The following DCDC2B variants were observed in gnomAD, a reference collection of about 807,000 sequenced individuals.
The protein encoded by DCDC2B is doublecortin domain containing 2B, also known as doublecortin domain-containing protein 2B.
In DCDC2B, 41 loss-of-function variants were observed where a neutral mutation model predicts 38.9. That is an observed-to-expected ratio of 1.05 (90% CI 0.82 to 1.37). The LOEUF is 1.37. DCDC2B is among the 40% of genes most tolerant of loss of function. DCDC2B has a pLI of 0.00. For synonymous variants in DCDC2B, 181 were observed against 171.9 expected, an observed-to-expected ratio of 1.05 and a Z score of -0.41; for missense variants, 453 against 427.2, an observed-to-expected ratio of 1.06 and a Z score of -0.53.
intron 7 of DCDC2B, 171 bp downstream of exon 7, chr1:32,215,103 C>G (rs2124214816): frequency 1.1e-6 from 1 of 937,130 alleles, no homozygotes; most frequent in South Asian, 2.0e-5. Flanking sequence ...GCTCAGGAGA[C>G]TGCCCGTAAA....
chr1:32,209,359 A>G lies in DCDC2B; in HGVS notation c.266A>G (p.His89Arg). 3 of 1,613,700 alleles carry G rather than the reference A, an allele frequency of 1.9e-6. No individual in the cohort carries two copies. The highest frequency in any genetic ancestry group is 2.5e-6 in the Non-Finnish European group (3 of 1,179,698). ...GGATTTGAACGATTCCACAAGCTCC[A>G]GTGAGTGGGCTGGGGCTGGTCAAAC... ...AAGFERFHKLHYLPHRGKDPG... is the reference protein window; with the variant it reads ...AAGFERFHKLRYLPHRGKDPG... Residue 89 changes from histidine to arginine, a missense_variant and splice_region_variant, in exon 1 of 9, where the codon CAC (histidine) becomes CGC (arginine). His to Arg is a conservative substitution (Grantham distance 29, BLOSUM62 0). Coordinates refer to ENST00000409358, the MANE Select transcript of DCDC2B (RefSeq NM_001099434.2).
At chr1:32,209,401 TA>T in intron 1 of DCDC2B, 42 bp downstream of exon 1, 1 of 1,605,144 alleles carries the variant, frequency 6.2e-7, no homozygotes, top group Non-Finnish European at 8.5e-7. Flanking sequence ...GCAAGGGAGG[TA>T]ACGGCAAGAG....
intron 3 of DCDC2B, 75 bp from the exon 4 acceptor site, chr1:32,211,995 T>G: frequency 1.3e-6 from 2 of 1,568,196 alleles, no homozygotes; most frequent in Non-Finnish European, 1.7e-6. Flanking sequence ...TGGTTATTGC[T>G]GGCCCTGTGC....
chr1:32,213,712 G>A (rs564836947), intron 6 of DCDC2B, among the ~76,000 whole-genome samples: 15 of 150,676 alleles, frequency 1.0e-4, no homozygotes, highest in Admixed American at 8.6e-4. Context: ...GGGTTTCACC[G>A]TGTTAGCCAG....
chr1:32,215,397 C>T, intron 7 of DCDC2B, 43 bp from the exon 8 acceptor site: 1 of 1,526,756 alleles, frequency 6.5e-7, no homozygotes, highest in Non-Finnish European at 9.0e-7. Context: ...ATGCTGAGGG[C>T]TCTTCAGCCT....
At chr1:32,214,337 A>G (rs940547548) in intron 6 of DCDC2B, 2 of 150,728 alleles carry the variant, frequency 1.3e-5, no homozygotes, top group East Asian at 2.0e-4. Flanking sequence ...AAAAAAAAAA[A>G]GTGAAGTGAT....
At chr1:32,212,399 C>T (rs1003294999) in intron 4 of DCDC2B, 91 bp from the exon 5 acceptor site, 3 of 1,566,286 alleles carry the variant, frequency 1.9e-6, no homozygotes, top group Non-Finnish European at 2.6e-6. Flanking sequence ...CAGAGGGCAC[C>T]TTGGAATAGC....
intron 3 of DCDC2B, 67 bp downstream of exon 3, chr1:32,211,904 G>T: frequency 6.4e-7 from 1 of 1,557,632 alleles, no homozygotes; most frequent in Non-Finnish European, 8.7e-7. Flanking sequence ...AAATGGTGTT[G>T]GGTTTGTTCT....
At chr1:32,211,574 G>A (rs902647349) in intron 2 of DCDC2B, among the ~76,000 whole-genome samples, 187 bp from the exon 3 acceptor site, 11 of 152,182 alleles carry the variant, frequency 7.2e-5, no homozygotes, top group Non-Finnish European at 8.8e-5. Context: ...TTGGGGGAGG[G>A]GGTGGTTAGA....
chr1:32,211,616 G>T, intron 2 of DCDC2B, 145 bp from the exon 3 acceptor site: 1 of 771,046 alleles, frequency 1.3e-6, no homozygotes, highest in Non-Finnish European at 2.1e-6. Flanking sequence ...AGCACCGTTT[G>T]GTGAAAGGTG....
chr1:32,212,502 A>C lies in DCDC2B; in HGVS notation c.540A>C (p.Leu180=), dbSNP rs986213300. The change falls in exon 5 of 9, where the codon CTA becomes CTC. Residue 180 remains leucine, a synonymous_variant. Transcript: ENST00000409358. Reference sequence around the variant, plus strand: ...CTCTCTCTCCCAGACTCTGCACCCTAGAGGGGCTCCCACTGTCAGCAGGGA... The same window carrying C: ...CTCTCTCTCCCAGACTCTGCACCCTCGAGGGGCTCCCACTGTCAGCAGGGA... ...QSGAVCKLCT[L]EGLPLSAGKE... 9.9e-6 allele frequency: 16 copies of C among 1,613,796 alleles called. No homozygotes were observed. Among genetic ancestry groups the C allele is most frequent in the Non-Finnish European group, 1.4e-5 (16 of 1,179,844 alleles).
At chr1:32,209,967 T>G (rs1259678760) in intron 1 of DCDC2B, among the ~76,000 whole-genome samples, 1 of 151,696 alleles carries the variant, frequency 6.6e-6, no homozygotes, top group East Asian at 1.9e-4. Context: ...CCAAGGCGGG[T>G]GGATCACCTG....
rs767654309 is a variant in DCDC2B at position 32,214,843 on chromosome 1, C to G, written c.761C>G (p.Pro254Arg). Residue 254 changes from proline (P) to arginine (R), a missense_variant, in exon 7 of 9, where the codon CCA (proline) becomes CGA (arginine). Physicochemically the swap from Pro to Arg is moderately radical, Grantham distance 103. Coordinates refer to ENST00000409358, the MANE Select transcript of DCDC2B (RefSeq NM_001099434.2). ...AQVTQPSPKE[P>R]DRIKPSAFYA... Reference sequence around the variant, plus strand: ...GTAACCCAGCCCTCTCCAAAGGAACCAGACCGAATTAAGCCATCTGCTTTC... The same window carrying G: ...GTAACCCAGCCCTCTCCAAAGGAACGAGACCGAATTAAGCCATCTGCTTTC... 6.2e-7 allele frequency: 1 copy of G among 1,613,944 alleles called. No individual in the cohort carries two copies. The highest frequency in any genetic ancestry group is 8.5e-7 in the Non-Finnish European group (1 of 1,179,892).
rs759995890 is a variant in DCDC2B at position 32,215,838 on chromosome 1, G to A, written c.991G>A (p.Glu331Lys). The A allele has an allele frequency of 3.3e-5, 51 of 1,553,024 alleles. No homozygotes were observed. Among genetic ancestry groups the A allele is most frequent in the Non-Finnish European group, 4.4e-5 (51 of 1,147,870 alleles). Residue 331 changes from glutamate (E) to lysine (K), a missense_variant, in exon 9 of 9, where the codon GAA (glutamate) becomes AAA (lysine). Glu to Lys is a moderately conservative substitution (Grantham distance 56, BLOSUM62 1). Coordinates refer to ENST00000409358, the MANE Select transcript of DCDC2B (RefSeq NM_001099434.2). ...GATAGTGGAAGAGGCCTTGTCCCTG[G>A]AAAACCAGCCTGGGGCTGGGGCTGC... ...AQIVEEALSL[E>K]NQPGAGAAIS...
intron 4 of DCDC2B, 94 bp from the exon 5 acceptor site, chr1:32,212,396 C>T (rs1643624148): frequency 6.4e-7 from 1 of 1,559,282 alleles, no homozygotes; most frequent in African/African-American, 1.4e-5. Context: ...GGCCAGAGGG[C>T]ACCTTGGAAT....
rs1302439229 is a variant in DCDC2B, at chr1:32,215,874, T to A, written c.1027T>A (p.Ser343Thr). Reference protein sequence around the residue: ...QPGAGAAISASAPALPS With the variant: ...QPGAGAAISATAPALPS ...TGGGGCTGGGGCTGCTATCTCAGCCTCAGCCCCAGCTCTGCCATCTTGAGA... is the reference window on the plus strand; with the variant it reads ...TGGGGCTGGGGCTGCTATCTCAGCCACAGCCCCAGCTCTGCCATCTTGAGA... The change falls in exon 9 of 9, where the codon TCA becomes ACA. Residue 343 changes from serine to threonine, a missense_variant. Transcript: ENST00000409358. 1.8e-5 allele frequency: 28 copies of A among 1,551,240 alleles called. No individual in the cohort carries two copies. Among genetic ancestry groups the A allele is most frequent in the Non-Finnish European group, 1.9e-5 (22 of 1,147,132 alleles).
At chr1:32,215,201 A>C (rs1402696001) in intron 7 of DCDC2B, 1 of 583,874 alleles carries the variant, frequency 1.7e-6, no homozygotes, top group Non-Finnish European at 2.9e-6. Context: ...GGGCCTCATC[A>C]CATGAAAAGA....
Position 32,215,531 on chromosome 1 carries a change from G to A in DCDC2B, c.942G>A (p.Glu314=), listed in dbSNP as rs761935416. ...ATGATGAAGACACTCAGACAGAGGA[G>A]CCCTTGGATCAGGTAAGCTGTTGGA... ...VADDEDTQTE[E]PLDQRAAQIV... Residue 314 remains glutamate (E), a synonymous_variant, in exon 8 of 9, where the codon GAG becomes GAA. Coordinates refer to ENST00000409358, the MANE Select transcript of DCDC2B (RefSeq NM_001099434.2). The A allele has an allele frequency of 2.5e-6, 4 of 1,613,528 alleles. No individual in the cohort carries two copies. The highest frequency in any genetic ancestry group is 1.1e-5 in the South Asian group (1 of 91,046).
Position 32,215,519 on chromosome 1 carries a change from TCAGA to T in DCDC2B, c.935_938del (p.Thr312ArgfsTer11), listed in dbSNP as rs1306728362. On this transcript the variant is annotated frameshift_variant, in exon 8 of 9. Transcript: ENST00000409358. LOFTEE classifies it low-confidence loss of function (END_TRUNC). ...TGGAAGTAGCAGATGATGAAGACAC[TCAGA>T]CAGAGGAGCCCTTGGATCAGGTAAG... The T allele has an allele frequency of 2.5e-6, 4 of 1,613,666 alleles. No individual in the cohort carries two copies. Among genetic ancestry groups the T allele is most frequent in the Middle Eastern group, 3.3e-4 (2 of 6,020 alleles).
Sources: gnomAD v4.1 joint callset for allele counts (sites outside exome capture counted in the v4.1 genomes callset) on GRCh38, gnomAD v4.1.1 for gene constraint, MANE v1.5 for transcripts, NCBI Gene and HGNC (gene_info 2026-07-23, HGNC 2026-07-21) for gene names.